The following GRK7 variants were observed in gnomAD, a reference collection of about 807,000 sequenced individuals.
GRK7 encodes G protein-coupled receptor kinase 7.
In GRK7, 24 loss-of-function variants were observed where a neutral mutation model predicts 34.1. That is an observed-to-expected ratio of 0.70 (90% CI 0.51 to 0.99). The LOEUF is 0.99. GRK7 is among the 50% of genes least tolerant of loss of function. GRK7 has a pLI of 0.00. For missense variants in GRK7, 644 were observed against 707.3 expected (o/e 0.91, Z 1.02); for synonymous variants, 256 against 279.4 (o/e 0.92, Z 0.84).
chr3:141,780,634 C>T lies in GRK7; in HGVS notation c.873C>T (p.Ser291=), dbSNP rs779485273. 7.4e-6 allele frequency: 12 copies of T among 1,614,192 alleles called. No individual in the cohort carries two copies. In the South Asian group the frequency reaches 1.3e-4, roughly 18 times the overall value. The change falls in exon 4 of 6, where the codon AGC becomes AGT. Residue 291 remains serine (S), a synonymous_variant. Coordinates refer to ENST00000682958, the MANE Select transcript of GRK7 (RefSeq NM_139209.3). ...TGGGCACGCGTGGCCTGGACATGAGCCGGGTGATCTTTTACTCGGCCCAGA... is the reference window on the plus strand; with the variant it reads ...TGGGCACGCGTGGCCTGGACATGAGTCGGGTGATCTTTTACTCGGCCCAGA... ...YNVGTRGLDM[S]RVIFYSAQIA...
intron 2 of GRK7, among the ~76,000 whole-genome samples, chr3:141,777,929 G>A (rs548885914): frequency 6.6e-6 from 1 of 152,216 alleles, no homozygotes; most frequent in South Asian, 2.1e-4. Flanking sequence ...AGATGACAAC[G>A]GTATGATCAC....
chr3:141,792,661 G>C (rs1474026784), intron 4 of GRK7, among the ~76,000 whole-genome samples: 1 of 152,170 alleles, frequency 6.6e-6, no homozygotes, highest in East Asian at 1.9e-4. Flanking sequence ...ACACATGGAA[G>C]ATATTGGGGA....
At chr3:141,815,991 T>C (rs1019446766) in intron 5 of GRK7, among the ~76,000 whole-genome samples, 4 of 152,150 alleles carry the variant, frequency 2.6e-5, no homozygotes, top group Non-Finnish European at 5.9e-5. Context: ...TAATAAATGT[T>C]TGTTGTTTTA....
rs545377144 is a variant in GRK7, at chr3:141,807,246, T to C, written c.1051-399T>C. Among the ~76,000 whole-genome samples the C allele has an allele frequency of 1.2e-4, 19 of 152,284 alleles. 1 individual carries two copies. Among genetic ancestry groups the C allele is most frequent in the Admixed American group, 1.1e-3 (17 of 15,292 alleles). ...TTAAAAAATCATATACATCTAATTT[T>C]CTATTATCTGTGAATTTTTAAAAAA... On this transcript the variant is annotated intron_variant, in intron 4 of 5. Transcript: ENST00000682958.
chr3:141,808,968 G>C (rs1180604069), intron 5 of GRK7, among the ~76,000 whole-genome samples: 1 of 151,766 alleles, frequency 6.6e-6, no homozygotes, highest in Non-Finnish European at 1.5e-5. Context: ...GGGAGGTTGA[G>C]GTGGCAGATC....
Position 141,778,791 on chromosome 3 carries a change from C to A in GRK7, c.507C>A (p.Ser169Arg). ...AGCCCTTTAAGGATTTCGTGACCAG[C>A]GCCTTCTACGACAAGTTTCTGCAGT... ...QEQPFKDFVT[S>R]AFYDKFLQWK... is the part of the protein sequence containing the mutation. Residue 169 changes from serine to arginine, a missense_variant, in exon 3 of 6, where the codon AGC becomes AGA. Ser to Arg is a moderately radical substitution (Grantham distance 110, BLOSUM62 -1). Transcript: ENST00000682958. This position sits in a 1 kb window ranked among gnomAD's most constrained non-coding sequence, Gnocchi z 4.1. 2 of 1,607,392 alleles carry A rather than the reference C, an allele frequency of 1.2e-6. No homozygotes were observed. Among genetic ancestry groups the A allele is most frequent in the South Asian group, 1.1e-5 (1 of 89,710 alleles).
chr3:141,762,658 C>A (rs1297189760), upstream of GRK7, among the ~76,000 whole-genome samples: 6 of 151,960 alleles, frequency 3.9e-5, no homozygotes, highest in South Asian at 4.2e-4. Flanking sequence ...TGGAGCTTCC[C>A]GGCTGCTTTG....
At chr3:141,815,056 C>A (rs1711136598) in intron 5 of GRK7, among the ~76,000 whole-genome samples, 1 of 151,750 alleles carries the variant, frequency 6.6e-6, no homozygotes, top group Non-Finnish European at 1.5e-5. Context: ...TCCTGAGTAG[C>A]TGGGACTACA....
At chr3:141,756,290 C>T in the GRK7 span, among the ~76,000 whole-genome samples, 5 of 139,838 alleles carry the variant, frequency 3.6e-5, no homozygotes, top group East Asian at 2.1e-4. Flanking sequence ...CCAGCCTGGG[C>T]GACAGAGTAA....
chr3:141,786,898 A>T, intron 4 of GRK7, among the ~76,000 whole-genome samples: 1 of 152,184 alleles, frequency 6.6e-6, no homozygotes, highest in East Asian at 1.9e-4. Flanking sequence ...GAGACAGCAG[A>T]AGTCAGAAAT....
chr3:141,792,140 T>C (rs576592290), intron 4 of GRK7, among the ~76,000 whole-genome samples: 4 of 151,578 alleles, frequency 2.6e-5, no homozygotes, highest in African/African-American at 9.7e-5. Context: ...TGGTGGCTCA[T>C]GCCTGTAATC....
In GRK7 at chr3:141,780,367, C is replaced by T; in HGVS notation, c.613-7C>T. On this transcript the variant is annotated splice_polypyrimidine_tract_variant and splice_region_variant and intron_variant, in intron 3 of 5. Coordinates refer to ENST00000682958, the MANE Select transcript of GRK7 (RefSeq NM_139209.3). ...ACCTCTTTCTCTTCTTTTCTTTCTC[C>T]TTTAAGGTATGTGCCGTCCAGGTGA... The T allele has an allele frequency of 1.2e-6, 2 of 1,612,168 alleles. No homozygotes were observed. The highest frequency in any genetic ancestry group is 1.7e-6 in the Non-Finnish European group (2 of 1,178,928).
chr3:141,787,995 G>A (rs114676997), intron 4 of GRK7, among the ~76,000 whole-genome samples: 2,928 of 152,300 alleles, frequency 0.019, 55 homozygotes, highest in East Asian at 0.089. Flanking sequence ...GAGTGACAGA[G>A]CAAGACCTTG....
chr3:141,792,773 G>C (rs574555612), intron 4 of GRK7, among the ~76,000 whole-genome samples: 9 of 152,314 alleles, frequency 5.9e-5, no homozygotes, highest in Non-Finnish European at 1.2e-4. Flanking sequence ...TTAATGAGTT[G>C]ACTGATGGCT....
chr3:141,791,841 T>C (rs1035188881), intron 4 of GRK7, among the ~76,000 whole-genome samples: 1 of 150,624 alleles, frequency 6.6e-6, no homozygotes, highest in Non-Finnish European at 1.5e-5. Flanking sequence ...CTGTATCTAC[T>C]AAAAATACAA....
At chr3:141,800,823 G>A (rs973058623) in intron 4 of GRK7, among the ~76,000 whole-genome samples, 1 of 152,106 alleles carries the variant, frequency 6.6e-6, no homozygotes, top group Non-Finnish European at 1.5e-5. Flanking sequence ...GGAACTTTCT[G>A]GACAGACAGA....
chr3:141,765,381 G>A lies in GRK7; in HGVS notation c.-572G>A, dbSNP rs374166751. Among the ~76,000 whole-genome samples the A allele has an allele frequency of 6.6e-6, 1 of 152,252 alleles. No individual in the cohort carries two copies. Among genetic ancestry groups the A allele is most frequent in the South Asian group, 2.1e-4 (1 of 4,824 alleles). On this transcript the variant is annotated 5_prime_UTR_variant, in exon 1 of 6. Transcript: ENST00000682958. ...TTAAAAGTGAAGCCTTCTCCCTGGT[G>A]TATCTCAGCACTTCCCTTCTCCTTC...
the GRK7 span, among the ~76,000 whole-genome samples, chr3:141,756,516 T>C: frequency 6.6e-6 from 1 of 152,172 alleles, no homozygotes; most frequent in African/African-American, 2.4e-5. Context: ...GCGAGGGGTA[T>C]TGACTGGAAA....
At position 141,778,617 on chromosome 3, in the gene GRK7, C is replaced by A; in HGVS notation, c.333C>A (p.Ala111=). 6.2e-7 allele frequency: 1 copy of A among 1,612,302 alleles called. No homozygotes were observed. Among genetic ancestry groups the A allele is most frequent in the Non-Finnish European group, 8.5e-7 (1 of 1,179,284 alleles). ...ACAGCGCGCTGCAGGGGCTGGTGGC[C>A]ACTTGTGCGAGTGCCCCTGCCCCGG... ...TKDSALQGLV[A]TCASAPAPGN... Residue 111 remains alanine, a synonymous_variant, in exon 3 of 6, where the codon GCC becomes GCA. Coordinates refer to ENST00000682958, the MANE Select transcript of GRK7 (RefSeq NM_139209.3). The surrounding 1 kb of genome is among the most constrained non-coding windows in gnomAD (Gnocchi z 4.1).
Sources: allele counts gnomAD v4.1 joint callset (sites outside exome capture counted in the v4.1 genomes callset), GRCh38; gene constraint gnomAD v4.1.1; non-coding constraint Gnocchi (gnomAD v3.1); transcripts MANE v1.5; gene names NCBI Gene and HGNC (gene_info 2026-07-23, HGNC 2026-07-21).